Variants in ERICH1 observed in about 807,000 individuals in gnomAD.
ERICH1 encodes glutamate-rich protein 1.
ERICH1 carries 56 observed loss-of-function variants against 39.6 expected under a neutral mutation model. That is an observed-to-expected ratio of 1.41 (90% CI 1.14 to 1.77). ERICH1 has a LOEUF of 1.77. Ranked by LOEUF, ERICH1 falls within the 40% of genes most tolerant of loss-of-function variation. ERICH1 has a pLI of 0.00. For missense variants in ERICH1, 826 were observed against 575.4 expected, an observed-to-expected ratio of 1.44 and a Z score of -4.45; for synonymous variants, 313 against 223.6, an observed-to-expected ratio of 1.40 and a Z score of -3.57.
intron 1 of ERICH1, among the ~76,000 whole-genome samples, chr8:729,151 G>A (rs901028523): frequency 1.1e-4 from 17 of 152,200 alleles, no homozygotes; most frequent in African/African-American, 3.4e-4. Context: ...GCCAGGGCCT[G>A]AGGGGCTCTG....
At chr8:726,685 A>G (rs1322665819) in intron 1 of ERICH1, among the ~76,000 whole-genome samples, 1 of 142,092 alleles carries the variant, frequency 7.0e-6, no homozygotes, top group Middle Eastern at 3.2e-3. Flanking sequence ...ACACAGGCAC[A>G]TCATACACAG....
At chr8:698,906 T>G (rs1811017405) in intron 2 of ERICH1, among the ~76,000 whole-genome samples, 1 of 151,606 alleles carries the variant, frequency 6.6e-6, no homozygotes, top group Non-Finnish European at 1.5e-5. Flanking sequence ...TGAGTTTTTT[T>G]TTTTTTTTTT....
At chr8:662,874 C>G (rs748396862), downstream of ERICH1, among the ~76,000 whole-genome samples, 3 of 152,034 alleles carry the variant, frequency 2.0e-5, no homozygotes, top group Non-Finnish European at 4.4e-5. Context: ...GAAGGGAGGG[C>G]AGGGGCGGGC....
At chr8:692,423 G>A in intron 3 of ERICH1, 55 bp downstream of exon 3, 1 of 1,610,544 alleles carries the variant, frequency 6.2e-7, no homozygotes, top group Non-Finnish European at 8.5e-7. Context: ...AGAAAATTGG[G>A]AAATACGAGC....
intron 3 of ERICH1, chr8:625,936 C>T (rs539076253): frequency 9.2e-5 from 14 of 152,254 alleles, no homozygotes; most frequent in South Asian, 2.1e-4. Context: ...TTCTTCATGC[C>T]GTAAAATTGT....
In ERICH1 at chr8:668,777, G is replaced by A. The variant is rs534063827; in HGVS notation, c.1079C>T (p.Ala360Val). The change falls in exon 5 of 6, where the codon GCA becomes GTA. Residue 360 changes from alanine to valine, a missense_variant. Physicochemically the swap from Ala to Val is moderately conservative, Grantham distance 64. Transcript: ENST00000262109. ...MYFYDGVSRD[A>V]ASAALADAAE... ...GGCATCTGCGAGGGCAGCTGAAGCT[G>A]CATCTCTGGAGACACCTACATAAAG... The A allele has an allele frequency of 3.7e-6, 6 of 1,610,276 alleles. No individual in the cohort carries two copies. The highest frequency in any genetic ancestry group is 2.7e-5 in the African/African-American group (2 of 74,958).
chr8:705,875 T>C (rs1400946335), intron 2 of ERICH1, among the ~76,000 whole-genome samples: 1 of 152,164 alleles, frequency 6.6e-6, no homozygotes, highest in Non-Finnish European at 1.5e-5. Flanking sequence ...CTTAAGATAA[T>C]GCGGACCCTG....
intron 3 of ERICH1, among the ~76,000 whole-genome samples, chr8:686,280 CA>C (rs1468538658): frequency 6.6e-6 from 1 of 152,160 alleles, no homozygotes; most frequent in Non-Finnish European, 1.5e-5. Flanking sequence ...ACATTCACTT[CA>C]AGCTAAAAGC....
chr8:718,111 C>T (rs1269392985), intron 1 of ERICH1, among the ~76,000 whole-genome samples: 1 of 152,086 alleles, frequency 6.6e-6, no homozygotes, highest in East Asian at 1.9e-4. Flanking sequence ...GATTGGAGTG[C>T]ACTGACAAAC....
chr8:626,990 G>C, intron 3 of ERICH1: 1 of 406,664 alleles, frequency 2.5e-6, no homozygotes, highest in Non-Finnish European at 5.1e-6. Flanking sequence ...GCACAGCTTG[G>C]CCTGGTACTC....
At chr8:688,275 G>GCCCCCGCCCCGCCCCGGCCC (rs1807995682) in intron 3 of ERICH1, among the ~76,000 whole-genome samples, 6 of 32,202 alleles carry the variant, frequency 1.9e-4, no homozygotes, top group South Asian at 1.2e-3. Context: ...AGTTCCGCCC[G>GCCCCCGCCCCGCCCCGGCCC]TCCCCGCCCC....
intron 3 of ERICH1, among the ~76,000 whole-genome samples, chr8:685,301 C>G (rs1807070316): frequency 1.3e-5 from 2 of 152,240 alleles, no homozygotes; most frequent in South Asian, 4.1e-4. Context: ...GGCTCCCAGG[C>G]AGTCAGACCT....
At chr8:618,526 A>G (rs926750937) in intron 3 of ERICH1, among the ~76,000 whole-genome samples, 1 of 152,204 alleles carries the variant, frequency 6.6e-6, no homozygotes, top group South Asian at 2.1e-4. Flanking sequence ...CAGTGGGTAC[A>G]TGCTAACTGA....
chr8:699,420 A>G (rs1811160218), intron 2 of ERICH1, among the ~76,000 whole-genome samples: 1 of 152,218 alleles, frequency 6.6e-6, no homozygotes, highest in South Asian at 2.1e-4. Flanking sequence ...CGAGGCCACA[A>G]TCACAGCAAC....
chr8:650,780 C>T (rs913514509), intron 3 of ERICH1, among the ~76,000 whole-genome samples: 4 of 152,204 alleles, frequency 2.6e-5, no homozygotes, highest in African/African-American at 9.6e-5. Flanking sequence ...CCTGCAGAGC[C>T]GAGACCTGAC....
chr8:620,399 G>C (rs1232960926), intron 3 of ERICH1, among the ~76,000 whole-genome samples: 1 of 152,126 alleles, frequency 6.6e-6, no homozygotes, highest in Non-Finnish European at 1.5e-5. Context: ...ATTTAAATGT[G>C]AATCAATTGA....
chr8:643,854 G>A (rs983299882), intron 3 of ERICH1, among the ~76,000 whole-genome samples: 3 of 152,228 alleles, frequency 2.0e-5, no homozygotes, highest in African/African-American at 7.2e-5. Flanking sequence ...ATAAGTAGAT[G>A]CTAAACTCAA....
chr8:700,515 G>GGCCCGCACACGCGCACAGGCCCGCACAC (rs1811832375), intron 2 of ERICH1, among the ~76,000 whole-genome samples: 1 of 35,410 alleles, frequency 2.8e-5, no homozygotes, highest in Non-Finnish European at 6.4e-5. Context: ...GGCCCGCACA[G>GGCCCGCACACGCGCACAGGCCCGCACAC]GCGCACAGGC....
chr8:724,764 C>T lies in ERICH1; in HGVS notation c.22+6376G>A, dbSNP rs144384745. 2.9e-4 allele frequency among the ~76,000 whole-genome samples: 44 copies of T among 152,208 alleles called. 1 individual carries two copies. Among genetic ancestry groups the T allele is most frequent in the Non-Finnish European group, 5.0e-4 (34 of 68,034 alleles). On this transcript the variant is annotated intron_variant, in intron 1 of 5. Coordinates refer to ENST00000262109, the MANE Select transcript of ERICH1 (RefSeq NM_207332.3). ...TGAATTCAGCCCAAAGAACTTGCAA[C>T]CCATAAGGGATTCCACACCGACAAG...
Sources: allele counts gnomAD v4.1 joint callset (sites outside exome capture counted in the v4.1 genomes callset), GRCh38; gene constraint gnomAD v4.1.1; transcripts MANE v1.5; gene names NCBI Gene and HGNC (gene_info 2026-07-23, HGNC 2026-07-21).